The following TCERG1L variants were observed in gnomAD, a reference collection of about 807,000 sequenced individuals.
TCERG1L encodes transcription elongation regulator 1 like, also known as transcription elongation regulator 1-like protein.
Under a neutral mutation model 56.3 loss-of-function variants are expected in TCERG1L, and 37 were observed. That is an observed-to-expected ratio of 0.66 (90% CI 0.51 to 0.87). The LOEUF (loss-of-function observed/expected upper bound fraction) is 0.87, where lower values mean the gene tolerates loss of function less well. Ranked by LOEUF, TCERG1L falls within the 40% of genes least tolerant of loss-of-function variation. TCERG1L has a pLI of 0.00. For synonymous variants in TCERG1L, 324 were observed against 326.3 expected, an observed-to-expected ratio of 0.99 and a Z score of 0.08; for missense variants, 799 against 774.2, an observed-to-expected ratio of 1.03 and a Z score of -0.38.
At chr10:131,290,424 G>A (rs1426304667) in intron 3 of TCERG1L, among the ~76,000 whole-genome samples, 2 of 152,110 alleles carry the variant, frequency 1.3e-5, no homozygotes, top group Admixed American at 6.6e-5. Flanking sequence ...CTGAGGCTGG[G>A]AATTCGAGAC....
chr10:131,233,526 T>C (rs914086783), intron 4 of TCERG1L, among the ~76,000 whole-genome samples: 6 of 152,230 alleles, frequency 3.9e-5, no homozygotes, highest in African/African-American at 1.4e-4. Flanking sequence ...AATTTGATGA[T>C]GCATTGCGGC....
intron 4 of TCERG1L, among the ~76,000 whole-genome samples, chr10:131,205,544 T>C (rs561516656): frequency 6.6e-6 from 1 of 152,366 alleles, no homozygotes; most frequent in South Asian, 2.1e-4. Flanking sequence ...TGTAACAGGC[T>C]GAACTTTTAT....
At chr10:131,099,235 T>G (rs1432854505) in intron 10 of TCERG1L, among the ~76,000 whole-genome samples, 1 of 152,158 alleles carries the variant, frequency 6.6e-6, no homozygotes, top group Non-Finnish European at 1.5e-5. Context: ...CCAGGGCACT[T>G]CTCCTGGAAC....
At chr10:131,304,889 C>T (rs934039286) in intron 3 of TCERG1L, among the ~76,000 whole-genome samples, 1 of 152,030 alleles carries the variant, frequency 6.6e-6, no homozygotes, top group African/African-American at 2.4e-5. Flanking sequence ...ACTCACCCCA[C>T]AGGTCTCATG....
At chr10:131,301,552 GATAAA>G (rs1188288829) in intron 3 of TCERG1L, among the ~76,000 whole-genome samples, 2 of 151,794 alleles carry the variant, frequency 1.3e-5, no homozygotes, top group Non-Finnish European at 2.9e-5. Flanking sequence ...AATGAAATTT[GATAAA>G]ATAAACTTTT....
intron 4 of TCERG1L, among the ~76,000 whole-genome samples, chr10:131,201,271 A>AG (rs1218021156): frequency 6.6e-6 from 1 of 152,164 alleles, no homozygotes; most frequent in Non-Finnish European, 1.5e-5. Context: ...CCCTTCCCCC[A>AG]GCTGGGTCCT....
Position 131,311,300 on chromosome 10 carries a change from G to A in TCERG1L, c.336C>T (p.His112=), listed in dbSNP as rs1846892521. The A allele has an allele frequency of 2.9e-5, 35 of 1,206,202 alleles. 1 individual carries two copies. In the East Asian group the frequency reaches 1.2e-3, roughly 42 times the overall value. 74.7% of individuals were successfully genotyped at this position (1,206,202 alleles called of 1,614,324 possible). A position where few individuals can be genotyped will look rare whatever the true frequency, so the allele number is the denominator to read the frequency against. Residue 112 remains histidine (H), a synonymous_variant, in exon 1 of 12, where the codon CAC becomes CAT. Transcript: ENST00000368642. The surrounding 1 kb of genome is among the most constrained non-coding windows in gnomAD (Gnocchi z 4.0). The part of the protein sequence containing the change: ...AAAAHPFPAL[H]GQWLFGGHSP... Reference sequence around the variant, plus strand: ...CGGGACGGGGACACGTTACCTGCCCGTGGAGCGCGGGGAAGGGGTGCGCGG... The same window carrying A: ...CGGGACGGGGACACGTTACCTGCCCATGGAGCGCGGGGAAGGGGTGCGCGG...
chr10:131,275,052 G>A (rs1191056496), intron 3 of TCERG1L, among the ~76,000 whole-genome samples: 1 of 152,110 alleles, frequency 6.6e-6, no homozygotes, highest in Non-Finnish European at 1.5e-5. Context: ...ACTCAAAGGT[G>A]CCCACATTGC....
At chr10:131,248,542 C>A (rs140980496) in intron 4 of TCERG1L, among the ~76,000 whole-genome samples, 190 of 152,324 alleles carry the variant, frequency 1.2e-3, no homozygotes, top group African/African-American at 4.4e-3. Flanking sequence ...TTGCCTCCCC[C>A]ACGCAGGCCA....
intron 9 of TCERG1L, among the ~76,000 whole-genome samples, chr10:131,105,452 TC>T (rs1036249987): frequency 9.2e-5 from 14 of 152,134 alleles, no homozygotes; most frequent in Non-Finnish European, 2.1e-4. Context: ...GGGGGGATAC[TC>T]CTCCAGGCCT....
rs537336995 is a variant in TCERG1L at position 131,160,171 on chromosome 10, G to A, written c.1034+2951C>T. ...CTTCTCCGTCCACTCAAAGGTATTAGTTCGTCTCGTAACACAGGAGGCGCC... is the reference window on the plus strand; with the variant it reads ...CTTCTCCGTCCACTCAAAGGTATTAATTCGTCTCGTAACACAGGAGGCGCC... On this transcript the variant is annotated intron_variant, in intron 6 of 11. Coordinates refer to ENST00000368642, the MANE Select transcript of TCERG1L (RefSeq NM_174937.4). Among the ~76,000 whole-genome samples, 85 of 152,310 alleles carry A rather than the reference G, an allele frequency of 5.6e-4. 1 individual carries two copies. Among genetic ancestry groups the A allele is most frequent in the African/African-American group, 1.8e-3 (76 of 41,576 alleles).
At chr10:131,094,482 C>T (rs546137437) in intron 11 of TCERG1L, among the ~76,000 whole-genome samples, 1 of 152,192 alleles carries the variant, frequency 6.6e-6, no homozygotes, top group African/African-American at 2.4e-5. Flanking sequence ...GAAGACAAGA[C>T]AAATAATTAG....
chr10:131,111,643 T>TACGGTC (rs1490031086), intron 9 of TCERG1L, among the ~76,000 whole-genome samples: 1 of 142,588 alleles, frequency 7.0e-6, no homozygotes, highest in African/African-American at 2.5e-5. Flanking sequence ...ACCTTTGAAA[T>TACGGTC]ACGGTCACGA....
intron 4 of TCERG1L, among the ~76,000 whole-genome samples, chr10:131,216,221 C>T (rs997360471): frequency 4.6e-5 from 7 of 152,148 alleles, no homozygotes; most frequent in African/African-American, 1.7e-4. Flanking sequence ...CTCACTAGTA[C>T]AAAGCCCAAA....
At chr10:131,196,741 C>T (rs910051626) in intron 4 of TCERG1L, among the ~76,000 whole-genome samples, 1 of 152,198 alleles carries the variant, frequency 6.6e-6, no homozygotes, top group African/African-American at 2.4e-5. Flanking sequence ...TGGAACACCA[C>T]CACCAAGCAA....
At chr10:131,129,109 A>G (rs1480186303) in intron 8 of TCERG1L, among the ~76,000 whole-genome samples, 1 of 152,230 alleles carries the variant, frequency 6.6e-6, no homozygotes, top group Non-Finnish European at 1.5e-5. Flanking sequence ...GAAGCGTGAA[A>G]GGGAAAACAT....
intron 11 of TCERG1L, among the ~76,000 whole-genome samples, chr10:131,096,627 G>A (rs563369586): frequency 6.6e-6 from 1 of 152,168 alleles, no homozygotes; most frequent in Non-Finnish European, 1.5e-5. Flanking sequence ...CAGGCCAGGC[G>A]CGGTGGCTCA....
chr10:131,293,597 C>A (rs1047979449), intron 3 of TCERG1L, among the ~76,000 whole-genome samples: 1 of 152,132 alleles, frequency 6.6e-6, no homozygotes, highest in East Asian at 1.9e-4. Context: ...AAACTTCTCC[C>A]TCACACAGAA....
intron 4 of TCERG1L, among the ~76,000 whole-genome samples, chr10:131,172,927 T>C (rs1444495717): frequency 6.6e-6 from 1 of 151,064 alleles, no homozygotes. Flanking sequence ...TTTGCTCTTG[T>C]CATCCAGGCT....
Sources: gnomAD v4.1 joint callset for allele counts (sites outside exome capture counted in the v4.1 genomes callset) on GRCh38, gnomAD v4.1.1 for gene constraint, Gnocchi (gnomAD v3.1) non-coding constraint, MANE v1.5 for transcripts, NCBI Gene and HGNC (gene_info 2026-07-23, HGNC 2026-07-21) for gene names.